Variants in BCKDHB observed in about 807,000 individuals in gnomAD.
The protein encoded by BCKDHB is branched chain keto acid dehydrogenase E1 subunit beta.
BCKDHB carries 41 observed loss-of-function variants against 48.5 expected under a neutral mutation model. The ratio of observed to expected loss-of-function variants is 0.85; its 90% CI spans 0.66 to 1.10. The LOEUF (loss-of-function observed/expected upper bound fraction) is 1.10. Ranked by LOEUF, BCKDHB falls within the 50% of genes least tolerant of loss-of-function variation. The pLI is 0.00. For missense variants in BCKDHB, 496 were observed against 494.2 expected, an observed-to-expected ratio of 1.00 and a Z score of -0.03; for synonymous variants, 201 against 174.8, an observed-to-expected ratio of 1.15 and a Z score of -1.18.
At chr6:80,303,211 ATGCCT>A (rs1399277754) in intron 9 of BCKDHB, among the ~76,000 whole-genome samples, 1 of 152,060 alleles carries the variant, frequency 6.6e-6, no homozygotes, top group Non-Finnish European at 1.5e-5. Flanking sequence ...TATATTTATT[ATGCCT>A]TAAGTTCTAG....
intron 3 of BCKDHB, among the ~76,000 whole-genome samples, chr6:80,156,529 A>G (rs904984181): frequency 1.3e-5 from 2 of 152,176 alleles, no homozygotes; most frequent in Non-Finnish European, 1.5e-5. Flanking sequence ...AATTTTCTAT[A>G]CTTGCTTCTA....
the BCKDHB span, chr6:80,374,361 C>T: frequency 4.8e-6 from 4 of 833,172 alleles, no homozygotes; most frequent in African/African-American, 3.3e-5. Context: ...GGCCTGGGCA[C>T]ACCTGCCAAC....
chr6:80,309,578 GTTTT>G (rs1352477805), intron 9 of BCKDHB, among the ~76,000 whole-genome samples: 3 of 151,418 alleles, frequency 2.0e-5, no homozygotes, highest in Admixed American at 1.3e-4. Flanking sequence ...TTGGCCTGTG[GTTTT>G]TTTTGTTTGT....
intron 6 of BCKDHB, among the ~76,000 whole-genome samples, chr6:80,189,064 C>T (rs376918042): frequency 4.6e-5 from 7 of 152,182 alleles, no homozygotes; most frequent in East Asian, 1.9e-4. Flanking sequence ...GACTACAGGC[C>T]ATTCCTAATG....
At chr6:80,421,212 GCT>G in the BCKDHB span, among the ~76,000 whole-genome samples, 1 of 151,976 alleles carries the variant, frequency 6.6e-6, no homozygotes, top group Non-Finnish European at 1.5e-5. Context: ...TCCCTTGTGT[GCT>G]CTCTCTCTCC....
chr6:80,363,495 G>A, the BCKDHB span, among the ~76,000 whole-genome samples: 1 of 152,152 alleles, frequency 6.6e-6, no homozygotes, highest in Non-Finnish European at 1.5e-5. Flanking sequence ...GTCTTTGGGT[G>A]CAACTTTTTT....
chr6:80,401,518 G>T, the BCKDHB span, among the ~76,000 whole-genome samples: 6 of 151,796 alleles, frequency 4.0e-5, no homozygotes, highest in African/African-American at 1.4e-4. Flanking sequence ...CAATGTTGGA[G>T]AAGGGTCCTG....
At chr6:80,106,954 C>T (rs1202302147) in intron 1 of BCKDHB, 65 bp downstream of exon 1, 2 of 1,547,114 alleles carry the variant, frequency 1.3e-6, no homozygotes, top group East Asian at 4.8e-5. Context: ...CAGGCGCCCG[C>T]GAGGGGCAGG....
chr6:80,121,452 A>T (rs1770012485), intron 1 of BCKDHB, among the ~76,000 whole-genome samples: 1 of 152,114 alleles, frequency 6.6e-6, no homozygotes, highest in South Asian at 2.1e-4. Flanking sequence ...GTTACTTTGG[A>T]CAGTATGGCC....
chr6:80,365,108 T>A, the BCKDHB span, among the ~76,000 whole-genome samples: 1 of 151,856 alleles, frequency 6.6e-6, no homozygotes. Flanking sequence ...CTAACAAAGA[T>A]CACATGCTTC....
intron 3 of BCKDHB, among the ~76,000 whole-genome samples, chr6:80,162,621 C>T (rs1244646574): frequency 6.6e-6 from 1 of 152,006 alleles, no homozygotes; most frequent in African/African-American, 2.4e-5. Flanking sequence ...GAGGCTGGGG[C>T]GGGTGGATCA....
Position 80,162,999 on chromosome 6 carries a change from T to C in BCKDHB, c.344-4679T>C, listed in dbSNP as rs186570854. 2.4e-3 allele frequency among the ~76,000 whole-genome samples: 362 copies of C among 151,920 alleles called. 3 individuals are homozygous for C. Among genetic ancestry groups the C allele is most frequent in the Middle Eastern group, 3.4e-3 (1 of 294 alleles). On this transcript the variant is annotated intron_variant, in intron 3 of 9. Transcript: ENST00000320393. Reference sequence around the variant, plus strand: ...GTGCAGTGGTGCCATCTCAGCTCACTGCAGCCTTGACCTCCTGGGTTCAAA... The same window carrying C: ...GTGCAGTGGTGCCATCTCAGCTCACCGCAGCCTTGACCTCCTGGGTTCAAA...
chr6:80,405,200 T>G, the BCKDHB span, among the ~76,000 whole-genome samples: 52 of 152,288 alleles, frequency 3.4e-4, no homozygotes, highest in African/African-American at 1.2e-3. Flanking sequence ...AATATTTACT[T>G]TACATATCTA....
intron 7 of BCKDHB, among the ~76,000 whole-genome samples, chr6:80,201,943 C>T (rs1225487953): frequency 2.6e-5 from 4 of 152,096 alleles, no homozygotes; most frequent in Admixed American, 6.6e-5. Context: ...TGATTTTTGG[C>T]ATGGAGAGCT....
intron 9 of BCKDHB, among the ~76,000 whole-genome samples, chr6:80,329,142 T>G (rs1448900978): frequency 6.6e-6 from 1 of 152,160 alleles, no homozygotes; most frequent in Non-Finnish European, 1.5e-5. Context: ...CAAGAAAGGA[T>G]TCCAATTACT....
chr6:80,131,788 G>T (rs926711516), intron 3 of BCKDHB, among the ~76,000 whole-genome samples: 1 of 151,718 alleles, frequency 6.6e-6, no homozygotes, highest in Admixed American at 6.6e-5. Flanking sequence ...GACTACAGCC[G>T]CATACCACCA....
intron 2 of BCKDHB, 98 bp from the exon 3 acceptor site, chr6:80,129,063 G>A (rs777810156): frequency 2.1e-6 from 2 of 946,478 alleles, no homozygotes; most frequent in Non-Finnish European, 3.2e-6. Flanking sequence ...TTTATCTTTT[G>A]TGATTTAAAA....
At chr6:80,327,927 T>G in intron 9 of BCKDHB, among the ~76,000 whole-genome samples, 1 of 67,668 alleles carries the variant, frequency 1.5e-5, no homozygotes. Flanking sequence ...TCCCCTCCCC[T>G]CCCTCCCTTC....
chr6:80,228,674 T>C (rs1775780063), intron 8 of BCKDHB, among the ~76,000 whole-genome samples: 1 of 152,118 alleles, frequency 6.6e-6, no homozygotes, highest in South Asian at 2.1e-4. Context: ...TTTATTTAGG[T>C]GGGCTTGGGG....
Sources: gnomAD v4.1 joint callset for allele counts (sites outside exome capture counted in the v4.1 genomes callset) on GRCh38, gnomAD v4.1.1 for gene constraint, MANE v1.5 for transcripts, NCBI Gene and HGNC (gene_info 2026-07-23, HGNC 2026-07-21) for gene names.